Variants in SPRYD7 observed in about 807,000 individuals in gnomAD.
SPRYD7 encodes the protein SPRY domain-containing protein 7.
Under a neutral mutation model 23.8 loss-of-function variants are expected in SPRYD7, and 14 were observed. That is an observed-to-expected ratio of 0.59 (90% CI 0.39 to 0.92). SPRYD7 has a LOEUF of 0.92. Among genes scored for constraint, SPRYD7 ranks in the 40% least tolerant of loss-of-function variants. The pLI is 0.00. For synonymous variants in SPRYD7, 75 were observed against 84.9 expected, an observed-to-expected ratio of 0.88 and a Z score of 0.64; for missense variants, 194 against 241.7, an observed-to-expected ratio of 0.80 and a Z score of 1.31.
At chr13:49,928,134 A>G in intron 2 of SPRYD7, 49 bp from the exon 3 acceptor site, 9 of 1,526,210 alleles carry the variant, frequency 5.9e-6, no homozygotes, top group Non-Finnish European at 7.2e-6. Flanking sequence ...GACTACAACC[A>G]TCGAGTTATT....
chr13:49,922,169 A>T (rs1955828526), intron 3 of SPRYD7, among the ~76,000 whole-genome samples: 1 of 151,940 alleles, frequency 6.6e-6, no homozygotes, highest in Non-Finnish European at 1.5e-5. Context: ...TTCAAGTTAA[A>T]AAACAAAAAT....
At position 49,915,793 on chromosome 13, in the gene SPRYD7, A is replaced by C. The variant is rs187310118; in HGVS notation, c.494-633T>G. Among the ~76,000 whole-genome samples the C allele has an allele frequency of 1.7e-3, 262 of 152,346 alleles. 1 individual carries two copies. Among genetic ancestry groups the C allele is most frequent in the Admixed American group, 0.013 (206 of 15,298 alleles). ...ATAGTCCCACACTGGAAACAACCCTAATGTCCATCAACTGGTGAAGGATAA... is the reference window on the plus strand; with the variant it reads ...ATAGTCCCACACTGGAAACAACCCTCATGTCCATCAACTGGTGAAGGATAA... On this transcript the variant is annotated intron_variant, in intron 4 of 4. Coordinates refer to ENST00000361840, the MANE Select transcript of SPRYD7 (RefSeq NM_020456.4).
chr13:49,928,180 G>T, intron 2 of SPRYD7, 95 bp from the exon 3 acceptor site: 1 of 1,054,082 alleles, frequency 9.5e-7, no homozygotes, highest in Non-Finnish European at 1.4e-6. Flanking sequence ...AGGAAGTGCT[G>T]TATTAACACT....
intron 4 of SPRYD7, 138 bp from the exon 5 acceptor site, chr13:49,915,298 C>T: frequency 2.6e-6 from 1 of 389,242 alleles, no homozygotes; most frequent in Non-Finnish European, 4.7e-6. Context: ...TATCTGCTGT[C>T]CCTGTTACAA....
intron 1 of SPRYD7, 29 bp downstream of exon 1, chr13:49,936,101 G>T (rs1223118615): frequency 1.3e-6 from 2 of 1,496,554 alleles, no homozygotes; most frequent in African/African-American, 1.4e-5. Context: ...CCCGTGAGCC[G>T]TTGGGTCTGG....
At chr13:49,924,099 C>T (rs2082831488) in intron 3 of SPRYD7, among the ~76,000 whole-genome samples, 2 of 151,912 alleles carry the variant, frequency 1.3e-5, no homozygotes, top group Admixed American at 6.6e-5. Context: ...TCTCCTGCCT[C>T]AGCCTCCCGA....
chr13:49,919,147 T>G (rs1290138797), intron 4 of SPRYD7, among the ~76,000 whole-genome samples: 2 of 152,026 alleles, frequency 1.3e-5, no homozygotes, highest in Non-Finnish European at 2.9e-5. Context: ...CTGGACACGG[T>G]GGCTCATGCC....
intron 3 of SPRYD7, among the ~76,000 whole-genome samples, chr13:49,926,973 A>G (rs1483216816): frequency 6.6e-6 from 1 of 152,202 alleles, no homozygotes; most frequent in Non-Finnish European, 1.5e-5. Context: ...TCAATGTGCT[A>G]GCTTTGTAAA....
chr13:49,936,074 G>A, intron 1 of SPRYD7, 56 bp downstream of exon 1: 1 of 1,345,742 alleles, frequency 7.4e-7, no homozygotes. Flanking sequence ...AGGTCCCCCT[G>A]CCCGCCGCGC....
chr13:49,923,838 T>C (rs1955847885), intron 3 of SPRYD7, among the ~76,000 whole-genome samples: 1 of 151,974 alleles, frequency 6.6e-6, no homozygotes, highest in African/African-American at 2.4e-5. Context: ...ATGAAGAAAC[T>C]GGGTTTGATT....
chr13:49,927,261 G>A (rs530728962), intron 3 of SPRYD7, among the ~76,000 whole-genome samples: 4 of 152,216 alleles, frequency 2.6e-5, no homozygotes, highest in African/African-American at 9.6e-5. Flanking sequence ...TTGGGAGGCC[G>A]AGGCAGGTGG....
intron 4 of SPRYD7, among the ~76,000 whole-genome samples, chr13:49,916,727 T>A (rs542457813): frequency 1.8e-4 from 28 of 151,836 alleles, no homozygotes; most frequent in Non-Finnish European, 2.8e-4. Flanking sequence ...AAGAAGGGCG[T>A]TTGGGATGGG....
intron 4 of SPRYD7, among the ~76,000 whole-genome samples, chr13:49,918,531 C>T (rs1209346476): frequency 1.3e-5 from 2 of 150,764 alleles, no homozygotes; most frequent in Non-Finnish European, 3.0e-5. Context: ...CCTCACCCTC[C>T]TGAGTAGTTG....
chr13:49,920,927 C>T (rs535650164), intron 4 of SPRYD7, among the ~76,000 whole-genome samples: 301 of 152,158 alleles, frequency 2.0e-3, no homozygotes, highest in African/African-American at 7.0e-3. Flanking sequence ...TGTCACTGCA[C>T]TCCAGCCTGG....
chr13:49,918,906 G>T (rs1955783861), intron 4 of SPRYD7, among the ~76,000 whole-genome samples: 1 of 147,436 alleles, frequency 6.8e-6, no homozygotes, highest in African/African-American at 2.5e-5. Flanking sequence ...AGTAGAGATG[G>T]GGTTTCACCA....
intron 3 of SPRYD7, among the ~76,000 whole-genome samples, chr13:49,924,217 C>T (rs920944665): frequency 6.6e-6 from 1 of 151,846 alleles, no homozygotes; most frequent in African/African-American, 2.4e-5. Flanking sequence ...GAACTCCTGA[C>T]CTCAGGTGAT....
rs113872052 is a variant in SPRYD7, at chr13:49,936,223, C to G, written c.13G>C (p.Val5Leu). MATS[V>L]LCCLRCCRDG... ...CTGCAGCACCGCAGGCAGCACAACA[C>G]CGAGGTGGCCATCGCGCAGGGACCA... is the stretch of plus-strand genomic sequence containing the variant. Residue 5 changes from valine to leucine, a missense_variant, in exon 1 of 5, where the codon GTG becomes CTG. Physicochemically the swap from Val to Leu is conservative, Grantham distance 32. Coordinates refer to ENST00000361840, the MANE Select transcript of SPRYD7 (RefSeq NM_020456.4). The G allele has an allele frequency of 1.5e-5, 24 of 1,604,104 alleles. No homozygotes were observed. In the African/African-American group the frequency reaches 1.8e-4, roughly 12 times the overall value.
intron 3 of SPRYD7, among the ~76,000 whole-genome samples, chr13:49,922,035 CTAT>C (rs1955827232): frequency 1.3e-5 from 2 of 152,102 alleles, no homozygotes; most frequent in Admixed American, 6.6e-5. Flanking sequence ...AGAAACGTCT[CTAT>C]ACATTTTATT....
chr13:49,930,875 C>T, intron 2 of SPRYD7, 143 bp downstream of exon 2: 1 of 516,104 alleles, frequency 1.9e-6, no homozygotes. Flanking sequence ...TACCCAGGAT[C>T]ACACAACAAG....
Sources: gnomAD v4.1 joint callset for allele counts (sites outside exome capture counted in the v4.1 genomes callset) on GRCh38, gnomAD v4.1.1 for gene constraint, MANE v1.5 for transcripts, NCBI Gene and HGNC (gene_info 2026-07-23, HGNC 2026-07-21) for gene names.